CTDSPL2: variants seen among roughly 807,000 people sequenced by gnomAD.
CTDSPL2 encodes the protein CTD small phosphatase like 2.
CTDSPL2 carries 5 observed loss-of-function variants against 60.0 expected under a neutral mutation model. The observed-to-expected ratio is 0.08, with a 90% CI of 0.04 to 0.18. CTDSPL2 has a LOEUF of 0.18. Among genes scored for constraint, CTDSPL2 ranks in the 10% least tolerant of loss-of-function variants. The pLI is 1.00. For synonymous variants in CTDSPL2, 186 were observed against 189.3 expected (o/e 0.98, Z 0.14); for missense variants, 370 against 548.8 (o/e 0.67, Z 3.26).
At chr15:44,494,424 A>G (rs1387172042) in intron 5 of CTDSPL2, among the ~76,000 whole-genome samples, 1 of 151,920 alleles carries the variant, frequency 6.6e-6, no homozygotes, top group Non-Finnish European at 1.5e-5. Flanking sequence ...TGGGCAGCAT[A>G]ACAAGATACT....
chr15:44,449,381 C>T, intron 1 of CTDSPL2: 1 of 154,442 alleles, frequency 6.5e-6, no homozygotes, highest in Non-Finnish European at 1.4e-5. Context: ...ATTGCAGTGG[C>T]ATGATCTCGG....
chr15:44,517,166 G>T (rs2081668798), intron 10 of CTDSPL2: 1 of 151,270 alleles, frequency 6.6e-6, no homozygotes, highest in Non-Finnish European at 1.5e-5. Flanking sequence ...AGTAGATTGT[G>T]AGTGCTATAG....
At chr15:44,509,849 C>G (rs1278024605) in intron 8 of CTDSPL2, among the ~76,000 whole-genome samples, 2 of 151,862 alleles carry the variant, frequency 1.3e-5, no homozygotes, top group Non-Finnish European at 2.9e-5. Context: ...TCGCTTAAAC[C>G]TGGGAGACGG....
intron 1 of CTDSPL2, among the ~76,000 whole-genome samples, chr15:44,434,436 T>C (rs1433514668): frequency 6.6e-6 from 1 of 152,154 alleles, no homozygotes; most frequent in Non-Finnish European, 1.5e-5. Context: ...CTCTCTCACC[T>C]AGGCTGGAGT....
intron 8 of CTDSPL2, among the ~76,000 whole-genome samples, chr15:44,504,398 C>T (rs1163775341): frequency 6.6e-6 from 1 of 152,090 alleles, no homozygotes. Flanking sequence ...TTGCTTCTGT[C>T]TCCTCTTTAC....
chr15:44,482,253 A>C (rs906653799), intron 2 of CTDSPL2, among the ~76,000 whole-genome samples: 21 of 152,038 alleles, frequency 1.4e-4, no homozygotes, highest in Non-Finnish European at 2.4e-4. Flanking sequence ...CTCCCACCTG[A>C]GTCTCCCAAG....
intron 8 of CTDSPL2, among the ~76,000 whole-genome samples, chr15:44,510,350 C>G (rs573391971): frequency 2.2e-4 from 33 of 152,238 alleles, no homozygotes; most frequent in South Asian, 6.2e-4. Context: ...AAAAGTTTTG[C>G]ATAATGAACA....
chr15:44,439,596 A>G (rs1012007589), intron 1 of CTDSPL2, among the ~76,000 whole-genome samples: 2 of 150,918 alleles, frequency 1.3e-5, no homozygotes, highest in African/African-American at 4.9e-5. Context: ...TTTGAGTGTC[A>G]TGTCAGCACT....
At chr15:44,449,589 C>G (rs767477063) in intron 1 of CTDSPL2, among the ~76,000 whole-genome samples, 2 of 152,136 alleles carry the variant, frequency 1.3e-5, no homozygotes, top group Non-Finnish European at 2.9e-5. Flanking sequence ...CCTCGGCTTC[C>G]CAAAGTGTTG....
chr15:44,497,197 C>T, intron 7 of CTDSPL2, 59 bp downstream of exon 7: 3 of 961,916 alleles, frequency 3.1e-6, no homozygotes, highest in Non-Finnish European at 4.7e-6. Flanking sequence ...TTTTTAGAAT[C>T]ATGCTTATGT....
intron 2 of CTDSPL2, among the ~76,000 whole-genome samples, chr15:44,481,737 C>G (rs2081030431): frequency 6.6e-6 from 1 of 152,114 alleles, no homozygotes; most frequent in South Asian, 2.1e-4. Context: ...CCATGCCTGG[C>G]TAATTTTGTA....
rs978448818 is a variant in CTDSPL2, at chr15:44,524,193, T to C, written c.*19T>C. 4 of 1,596,000 alleles carry C rather than the reference T, an allele frequency of 2.5e-6. No homozygotes were observed. The African/African-American group carries it at 4.0e-5, about 16-fold the overall frequency. ...AGATTAAGTACAAAGACTTGTCAAA[T>C]CACTGAAGGGGGAGAGAATGCAGGA... On this transcript the variant is annotated 3_prime_UTR_variant, in exon 13 of 13. Transcript: ENST00000260327.
chr15:44,473,169 C>T (rs1393782431), intron 2 of CTDSPL2, among the ~76,000 whole-genome samples: 2 of 152,164 alleles, frequency 1.3e-5, no homozygotes, highest in Non-Finnish European at 2.9e-5. Flanking sequence ...ATGCTGTGGA[C>T]CCTTTCTGAA....
At chr15:44,474,595 C>T (rs1418962803) in intron 2 of CTDSPL2, among the ~76,000 whole-genome samples, 9 of 152,192 alleles carry the variant, frequency 5.9e-5, no homozygotes, top group African/African-American at 1.2e-4. Context: ...GTGGCTCACG[C>T]CTGTAATTCC....
At chr15:44,490,757 T>C (rs2081199966) in intron 4 of CTDSPL2, 27 bp from the exon 5 acceptor site, 1 of 1,572,012 alleles carries the variant, frequency 6.4e-7, no homozygotes, top group Non-Finnish European at 8.7e-7. Flanking sequence ...TTTTAAATGA[T>C]GATAGTACAC....
intron 1 of CTDSPL2, chr15:44,447,509 T>G (rs1330091860): frequency 6.6e-6 from 1 of 152,240 alleles, no homozygotes; most frequent in East Asian, 1.9e-4. Flanking sequence ...TCTTTATATA[T>G]CCAGCCAACA....
At chr15:44,475,936 T>G (rs2080907406) in intron 2 of CTDSPL2, among the ~76,000 whole-genome samples, 1 of 152,242 alleles carries the variant, frequency 6.6e-6, no homozygotes, top group African/African-American at 2.4e-5. Flanking sequence ...GGAATAGATT[T>G]ACTGCTTTGT....
intron 1 of CTDSPL2, among the ~76,000 whole-genome samples, chr15:44,442,799 T>C (rs1447268228): frequency 6.6e-6 from 1 of 151,986 alleles, no homozygotes; most frequent in Admixed American, 6.6e-5. Context: ...AATATAGTGG[T>C]ACCCCAGCTC....
chr15:44,483,411 G>T (rs1360510540), intron 2 of CTDSPL2, among the ~76,000 whole-genome samples: 1 of 151,928 alleles, frequency 6.6e-6, no homozygotes, highest in Non-Finnish European at 1.5e-5. Context: ...GGTGGTGGGC[G>T]CCTGTAATCC....
Sources: allele counts gnomAD v4.1 joint callset (sites outside exome capture counted in the v4.1 genomes callset), GRCh38; gene constraint gnomAD v4.1.1; transcripts MANE v1.5; gene names NCBI Gene and HGNC (gene_info 2026-07-23, HGNC 2026-07-21).